The following FREM1 variants were observed in gnomAD, a reference collection of about 807,000 sequenced individuals.
The protein encoded by FREM1 is FRAS1-related extracellular matrix protein 1.
In FREM1, 220 loss-of-function variants were observed where a neutral mutation model predicts 210.1. The ratio of observed to expected loss-of-function variants is 1.05; its 90% CI spans 0.94 to 1.17. FREM1 has a LOEUF of 1.17. Ranked by LOEUF, FREM1 falls within the 50% of genes most tolerant of loss-of-function variation. FREM1 has a pLI of 0.00. For missense variants in FREM1, 3,454 were observed against 2,675.5 expected, an observed-to-expected ratio of 1.29 and a Z score of -6.42; for synonymous variants, 1,189 against 980.2, an observed-to-expected ratio of 1.21 and a Z score of -3.98.
chr9:14,859,018 G>C (rs775760885), intron 4 of FREM1, among the ~76,000 whole-genome samples, 165 bp downstream of exon 4: 5 of 152,096 alleles, frequency 3.3e-5, no homozygotes, highest in African/African-American at 7.2e-5. Context: ...CTCAAAACCA[G>C]GTCTTTCTGA....
chr9:14,908,449 A>G (rs1400542567), intron 1 of FREM1, among the ~76,000 whole-genome samples: 1 of 152,170 alleles, frequency 6.6e-6, no homozygotes, highest in Non-Finnish European at 1.5e-5. Context: ...ATCAGGCCAT[A>G]TAGCCCAACA....
intron 4 of FREM1, 138 bp from the exon 5 acceptor site, chr9:14,857,887 G>T: frequency 1.9e-6 from 1 of 534,356 alleles, no homozygotes; most frequent in African/African-American, 1.9e-5. Context: ...ATCATTCACT[G>T]AGTGGGTTGT....
At position 14,857,743 on chromosome 9, in the gene FREM1, C is replaced by T; in HGVS notation, c.638G>A (p.Arg213Lys). ...PHSFFPESQL[R>K]AKLKCPGGSC... ...CCCACCTGGACACTTCAGTTTTGCT[C>T]TCAGTTCTAGAATGTACAGCACTGG... The change falls in exon 5 of 37, where the codon AGA becomes AAA. Residue 213 changes from arginine to lysine, a missense_variant. Transcript: ENST00000380880. 1 of 1,599,560 alleles carries T rather than the reference C, an allele frequency of 6.3e-7. No homozygotes were observed. Among genetic ancestry groups the T allele is most frequent in the Non-Finnish European group, 8.5e-7 (1 of 1,173,180 alleles).
At chr9:14,896,597 T>C (rs1454336379) in intron 1 of FREM1, among the ~76,000 whole-genome samples, 2 of 148,004 alleles carry the variant, frequency 1.4e-5, no homozygotes, top group African/African-American at 2.5e-5. Flanking sequence ...TTGTTTAGCA[T>C]ATAACTAAGA....
intron 20 of FREM1, among the ~76,000 whole-genome samples, chr9:14,800,788 G>C (rs1004522801): frequency 2.0e-5 from 3 of 152,162 alleles, no homozygotes; most frequent in African/African-American, 7.2e-5. Flanking sequence ...TCCAAGCCTA[G>C]AGAGAGCCCT....
intron 36 of FREM1, among the ~76,000 whole-genome samples, chr9:14,738,737 C>G (rs547001832): frequency 6.6e-6 from 1 of 152,048 alleles, no homozygotes; most frequent in Non-Finnish European, 1.5e-5. Context: ...TGGCCGGGTG[C>G]GGTGGCTCAT....
chr9:14,795,358 G>C (rs10961708), intron 21 of FREM1, among the ~76,000 whole-genome samples: 196 of 152,210 alleles, frequency 1.3e-3, no homozygotes, highest in African/African-American at 4.5e-3. Context: ...GCTGAACTGA[G>C]TCAATCTGAC....
rs189545414 is a variant in FREM1 at position 14,749,295 on chromosome 9, A to C, written c.5558-656T>G. 2.5e-3 allele frequency among the ~76,000 whole-genome samples: 375 copies of C among 152,240 alleles called. 2 individuals are homozygous for C. Among genetic ancestry groups the C allele is most frequent in the Middle Eastern group, 0.024 (7 of 294 alleles). On this transcript the variant is annotated intron_variant, in intron 30 of 36. Transcript: ENST00000380880. ...AGAAAATTCTACTGGAAAAGAAATA[A>C]ATTTGGTGAGGAAAGGTAGTGGGGA...
chr9:14,756,501 G>A (rs1354978842), intron 28 of FREM1, 55 bp from the exon 29 acceptor site: 4 of 1,245,686 alleles, frequency 3.2e-6, no homozygotes, highest in Admixed American at 2.0e-5. Context: ...CTACAATAGA[G>A]AAACAGCTAT....
intron 1 of FREM1, among the ~76,000 whole-genome samples, chr9:14,880,358 C>G (rs1264230585): frequency 6.6e-6 from 1 of 152,132 alleles, no homozygotes; most frequent in Non-Finnish European, 1.5e-5. Context: ...AATCCCAGCA[C>G]TTTGGGAAGC....
chr9:14,861,204 C>CAT (rs1387520227), intron 3 of FREM1, among the ~76,000 whole-genome samples: 2 of 100,024 alleles, frequency 2.0e-5, no homozygotes, highest in African/African-American at 1.2e-4. Context: ...CATATATACA[C>CAT]ACATATACAT....
chr9:14,819,204 G>A (rs777000471), intron 14 of FREM1, 30 bp downstream of exon 14: 7 of 1,496,232 alleles, frequency 4.7e-6, no homozygotes, highest in Non-Finnish European at 6.4e-6. Context: ...ACTAAAGCAT[G>A]TAAATAAAAA....
intron 1 of FREM1, among the ~76,000 whole-genome samples, chr9:14,896,440 A>G (rs536722005): frequency 6.6e-6 from 1 of 150,564 alleles, no homozygotes; most frequent in Non-Finnish European, 1.5e-5. Context: ...GCTACTCAGG[A>G]GGCTGAGGCA....
intron 3 of FREM1, 47 bp from the exon 4 acceptor site, chr9:14,859,531 T>A: frequency 6.7e-7 from 1 of 1,490,766 alleles, no homozygotes; most frequent in Non-Finnish European, 9.2e-7. Context: ...TGCTCAGGTA[T>A]TTCTGATACC....
intron 13 of FREM1, among the ~76,000 whole-genome samples, chr9:14,822,717 G>C (rs906203480): frequency 6.6e-6 from 1 of 152,122 alleles, no homozygotes; most frequent in African/African-American, 2.4e-5. Context: ...GGGCAGTGGG[G>C]CAAAGTATGA....
chr9:14,790,122 G>T (rs958881209), intron 22 of FREM1, among the ~76,000 whole-genome samples: 1 of 152,092 alleles, frequency 6.6e-6, no homozygotes, highest in Non-Finnish European at 1.5e-5. Flanking sequence ...TGGGGGCTCT[G>T]GTACAGCAAG....
At chr9:14,907,782 T>G (rs1818036077) in intron 1 of FREM1, among the ~76,000 whole-genome samples, 1 of 152,248 alleles carries the variant, frequency 6.6e-6, no homozygotes, top group African/African-American at 2.4e-5. Flanking sequence ...AAAGCTCTCA[T>G]AGCCCATATC....
chr9:14,851,448 G>T lies in FREM1; in HGVS notation c.988C>A (p.Pro330Thr), dbSNP rs780012875. ...TTAGTAATGTTGAACACCAGCAAGG[G>T]TTTAGGGGTCTCATCTTCTTCACAG... Reference protein sequence around the residue: ...LDCEEDETPKPLLVFNITKAP... With the variant: ...LDCEEDETPKTLLVFNITKAP... Residue 330 changes from proline to threonine, a missense_variant, in exon 6 of 37, where the codon CCC becomes ACC. Physicochemically the swap from Pro to Thr is conservative, Grantham distance 38. Transcript: ENST00000380880. 1.2e-6 allele frequency: 2 copies of T among 1,614,004 alleles called. No homozygotes were observed. The highest frequency in any genetic ancestry group is 1.7e-6 in the Non-Finnish European group (2 of 1,179,902).
At position 14,772,599 on chromosome 9, in the gene FREM1, T is replaced by C. The variant is rs1847782955; in HGVS notation, c.4858-1793A>G. The stretch of plus-strand genomic sequence containing the variant: ...TAGTTTATGAATTATTTACAATACA[T>C]AGTTATTTTATAAACTGAAAAAGCA... On this transcript the variant is annotated intron_variant, in intron 25 of 36. Coordinates refer to ENST00000380880, the MANE Select transcript of FREM1 (RefSeq NM_001379081.2). Among the ~76,000 whole-genome samples, 3 of 152,146 alleles carry C rather than the reference T, an allele frequency of 2.0e-5. No individual in the cohort carries two copies. In the South Asian group the frequency reaches 6.2e-4, roughly 31 times the overall value.
Sources: allele counts gnomAD v4.1 joint callset (sites outside exome capture counted in the v4.1 genomes callset), GRCh38; gene constraint gnomAD v4.1.1; transcripts MANE v1.5; gene names NCBI Gene and HGNC (gene_info 2026-07-23, HGNC 2026-07-21).